SPTBN1: variants seen among roughly 807,000 people sequenced by gnomAD.
The protein encoded by SPTBN1 is spectrin beta chain, non-erythrocytic 1.
SPTBN1 carries 32 observed loss-of-function variants against 266.4 expected under a neutral mutation model. That is an observed-to-expected ratio of 0.12 (90% CI 0.09 to 0.16). The LOEUF is 0.16. Among genes scored for constraint, SPTBN1 ranks in the 10% least tolerant of loss-of-function variants. The pLI is 1.00. For missense variants in SPTBN1, 2,296 were observed against 3,067.1 expected (o/e 0.75, Z 5.94); for synonymous variants, 1,336 against 1,162.2 (o/e 1.15, Z -3.04).
rs1238798190 is a variant in SPTBN1, at chr2:54,653,951, C to T, written c.5822+98C>T. On this transcript the variant is annotated intron_variant, in intron 27 of 35. Coordinates refer to ENST00000356805, the MANE Select transcript of SPTBN1 (RefSeq NM_003128.3). This position sits in a 1 kb window ranked among gnomAD's most constrained non-coding sequence, Gnocchi z 5.1. The stretch of plus-strand genomic sequence containing the variant: ...GCAGGAGCCTTGAAAGCGTTCCTGC[C>T]TGAGCGCTTCAAGGCCAGAGTGGGG... 20 of 1,522,078 alleles carry T rather than the reference C, an allele frequency of 1.3e-5. No individual in the cohort carries two copies. The highest frequency in any genetic ancestry group is 2.3e-5 in the East Asian group (1 of 42,860). 94.3% of individuals were successfully genotyped at this position (1,522,078 alleles called of 1,614,324 possible). A position where few individuals can be genotyped will look rare whatever the true frequency, so the allele number is the denominator to read the frequency against.
At chr2:54,572,410 AGCTTTTCTAACC>A (rs896444711) in intron 2 of SPTBN1, among the ~76,000 whole-genome samples, 1 of 152,222 alleles carries the variant, frequency 6.6e-6, no homozygotes, top group Non-Finnish European at 1.5e-5. Flanking sequence ...AAACGAACAC[AGCTTTTCTAACC>A]GCGAGTGTCT....
chr2:54,530,857 C>T (rs1177919851), intron 2 of SPTBN1, among the ~76,000 whole-genome samples: 1 of 152,166 alleles, frequency 6.6e-6, no homozygotes, highest in African/African-American at 2.4e-5. Context: ...CCTTTTCTGA[C>T]ACCTGAGTTT....
chr2:54,479,120 A>G (rs987407757), intron 1 of SPTBN1, among the ~76,000 whole-genome samples: 1 of 152,232 alleles, frequency 6.6e-6, no homozygotes, highest in African/African-American at 2.4e-5. Flanking sequence ...AGATACTTTG[A>G]TTAAGTTGAA....
At chr2:54,633,178 C>T (rs984972518) in intron 17 of SPTBN1, among the ~76,000 whole-genome samples, 4 of 152,098 alleles carry the variant, frequency 2.6e-5, no homozygotes, top group Admixed American at 6.6e-5. Flanking sequence ...AGAAGCCTGT[C>T]AGGAGAGTGG....
At chr2:54,599,382 C>A (rs1676322459) in intron 3 of SPTBN1, 139 bp downstream of exon 3, 1 of 997,380 alleles carries the variant, frequency 1.0e-6, no homozygotes, top group East Asian at 2.5e-5. Flanking sequence ...GAGTTGAGCG[C>A]TTCAGGGAGA....
At chr2:54,500,041 A>G (rs1669168426) in intron 1 of SPTBN1, among the ~76,000 whole-genome samples, 1 of 152,162 alleles carries the variant, frequency 6.6e-6, no homozygotes, top group South Asian at 2.1e-4. Flanking sequence ...TTAATTGTTC[A>G]TTTCTTAGGA....
intron 2 of SPTBN1, among the ~76,000 whole-genome samples, chr2:54,564,507 C>G (rs942177712): frequency 6.6e-6 from 1 of 152,200 alleles, no homozygotes; most frequent in Admixed American, 6.5e-5. Flanking sequence ...GTGCTCCGTG[C>G]AAACATGTCT....
intron 1 of SPTBN1, among the ~76,000 whole-genome samples, chr2:54,522,678 G>GAGAGA (rs370803474): frequency 2.9e-4 from 23 of 78,528 alleles, no homozygotes; most frequent in South Asian, 7.9e-4. Context: ...GAGAGAGAGA[G>GAGAGA]GAGAGAGAGA....
chr2:54,490,661 A>C (rs1221055679), intron 1 of SPTBN1, among the ~76,000 whole-genome samples: 1 of 152,156 alleles, frequency 6.6e-6, no homozygotes, highest in East Asian at 1.9e-4. Flanking sequence ...AGTAGCAAAG[A>C]TGGGCTTGGG....
At chr2:54,596,797 C>G (rs533663424) in intron 2 of SPTBN1, among the ~76,000 whole-genome samples, 1 of 152,282 alleles carries the variant, frequency 6.6e-6, no homozygotes, top group Non-Finnish European at 1.5e-5. Context: ...CAGCTCTGTT[C>G]TCTGCACCCA....
intron 3 of SPTBN1, among the ~76,000 whole-genome samples, chr2:54,600,821 G>GTT (rs1246199112): frequency 1.4e-5 from 2 of 141,390 alleles, no homozygotes; most frequent in South Asian, 2.2e-4. Flanking sequence ...TATTTTTGTG[G>GTT]TTTTTTTTTT....
intron 2 of SPTBN1, among the ~76,000 whole-genome samples, chr2:54,569,971 T>TC (rs372014140): frequency 0.27 from 38,417 of 140,200 alleles, 6,035 homozygotes; most frequent in Admixed American, 0.34. Context: ...CTGAAACCAT[T>TC]CCCCCCCCCC....
At chr2:54,632,211 G>C (rs1678790053) in intron 16 of SPTBN1, among the ~76,000 whole-genome samples, 1 of 151,906 alleles carries the variant, frequency 6.6e-6, no homozygotes, top group African/African-American at 2.4e-5. Context: ...AAACAGCTGA[G>C]GATAGTCACC....
intron 2 of SPTBN1, among the ~76,000 whole-genome samples, chr2:54,571,124 G>T (rs1258850660): frequency 6.6e-6 from 1 of 152,066 alleles, no homozygotes; most frequent in African/African-American, 2.4e-5. Flanking sequence ...GGTGAAGAGT[G>T]GTGGGGGTGG....
chr2:54,479,876 C>CA (rs1039063108), intron 1 of SPTBN1, among the ~76,000 whole-genome samples: 3 of 148,734 alleles, frequency 2.0e-5, no homozygotes, highest in Non-Finnish European at 4.5e-5. Flanking sequence ...TTTTTTTTTC[C>CA]AAGAGGCAAG....
chr2:54,583,454 A>G (rs768099613), intron 2 of SPTBN1, among the ~76,000 whole-genome samples: 28 of 152,146 alleles, frequency 1.8e-4, no homozygotes, highest in Non-Finnish European at 3.1e-4. Flanking sequence ...TTTTCTGACC[A>G]AAGTGTAGGT....
At position 54,533,349 on chromosome 2, in the gene SPTBN1, A is replaced by AGTGTGTGTGTGTGTGTGTGTGTGTGT. The variant is rs56027497; in HGVS notation, c.148+6804_148+6829dup. ...AGTGAAACCCAGGCTAAAGGGGACT[A>AGTGTGTGTGTGTGTGTGTGTGTGTGT]GTGTGTGTGTGTGTGTGTGTGTGTG... is the stretch of plus-strand genomic sequence containing the variant. On this transcript the variant is annotated intron_variant, in intron 2 of 35. Coordinates refer to ENST00000356805, the MANE Select transcript of SPTBN1 (RefSeq NM_003128.3). This position sits in a 1 kb window ranked among gnomAD's most constrained non-coding sequence, Gnocchi z 4.2. Among the ~76,000 whole-genome samples the AGTGTGTGTGTGTGTGTGTGTGTGTGT allele has an allele frequency of 1.4e-5, 2 of 141,884 alleles. No homozygotes were observed. The highest frequency in any genetic ancestry group is 5.3e-5 in the African/African-American group (2 of 37,702). The allele number at this position is 141,884 out of a possible 152,430, so 93.1% of individuals were successfully genotyped here.
In SPTBN1 at chr2:54,461,046, C is replaced by T. The variant is rs116118756; in HGVS notation, c.-48+4528C>T. The stretch of plus-strand genomic sequence containing the variant: ...AACCAAGGGACACTCAGGCAGCCAC[C>T]GGCTAGTTCAGGAAGAGCCTTATAC... On this transcript the variant is annotated intron_variant, in intron 1 of 35. Transcript: ENST00000356805. Among the ~76,000 whole-genome samples, 985 of 152,212 alleles carry T rather than the reference C, an allele frequency of 6.5e-3. 13 individuals are homozygous for T. The highest frequency in any genetic ancestry group is 0.023 in the African/African-American group (952 of 41,522).
At chr2:54,557,906 C>T in intron 2 of SPTBN1, 1 of 984,836 alleles carries the variant, frequency 1.0e-6, no homozygotes, top group East Asian at 1.1e-4. Context: ...CTCGCCGGGC[C>T]GCCGCCGCGT....
Sources: allele counts gnomAD v4.1 joint callset (sites outside exome capture counted in the v4.1 genomes callset), GRCh38; gene constraint gnomAD v4.1.1; non-coding constraint Gnocchi (gnomAD v3.1); transcripts MANE v1.5; gene names NCBI Gene and HGNC (gene_info 2026-07-23, HGNC 2026-07-21).